The following DYRK1A variants were observed in gnomAD, a reference collection of about 807,000 sequenced individuals.
DYRK1A encodes the protein dual specificity tyrosine-phosphorylation-regulated kinase 1A.
A neutral mutation model predicts 79.7 loss-of-function variants in DYRK1A; 9 were observed. That is an observed-to-expected ratio of 0.11 (90% CI 0.07 to 0.20). The LOEUF is 0.20. DYRK1A is among the 10% of genes least tolerant of loss of function. The probability of loss-of-function intolerance (pLI) is 1.00; values close to 1 mark genes in which losing one functional copy is unlikely to be tolerated. For synonymous variants in DYRK1A, 349 were observed against 329.7 expected, an observed-to-expected ratio of 1.06 and a Z score of -0.63; for missense variants, 622 against 956.0, an observed-to-expected ratio of 0.65 and a Z score of 4.61.
chr21:37,379,950 G>A (rs917701987), intron 1 of DYRK1A, among the ~76,000 whole-genome samples: 1 of 152,200 alleles, frequency 6.6e-6, no homozygotes, highest in Non-Finnish European at 1.5e-5. Flanking sequence ...TATCACGGAT[G>A]TTACGTTCTG....
chr21:37,392,027 T>C (rs1433048720), intron 1 of DYRK1A, among the ~76,000 whole-genome samples: 1 of 152,254 alleles, frequency 6.6e-6, no homozygotes, highest in Non-Finnish European at 1.5e-5. Context: ...TAAGCCATTA[T>C]CCATCTTTCA....
chr21:37,508,220 A>G (rs1194104780), intron 11 of DYRK1A, among the ~76,000 whole-genome samples: 9 of 152,188 alleles, frequency 5.9e-5, no homozygotes, highest in Non-Finnish European at 1.0e-4. Flanking sequence ...TTCACCTGTC[A>G]GCACCATTCT....
intron 3 of DYRK1A, among the ~76,000 whole-genome samples, chr21:37,477,442 A>G (rs1194319725): frequency 1.3e-5 from 2 of 152,158 alleles, no homozygotes; most frequent in Non-Finnish European, 2.9e-5. Context: ...CATTGATGCT[A>G]GCCACAGCAC....
At chr21:37,366,293 T>A (rs1443347147), upstream of DYRK1A, 1 of 127,366 alleles carries the variant, frequency 7.9e-6, no homozygotes, top group East Asian at 2.4e-4. Context: ...AGCCCGCCCC[T>A]CCCCCCGGCG....
At chr21:37,507,869 T>A (rs548366853) in intron 11 of DYRK1A, among the ~76,000 whole-genome samples, 1 of 152,132 alleles carries the variant, frequency 6.6e-6, no homozygotes, top group Non-Finnish European at 1.5e-5. Context: ...GACTTCTGAC[T>A]TAGACTTCAC....
intron 3 of DYRK1A, among the ~76,000 whole-genome samples, chr21:37,476,086 C>T (rs759364480): frequency 2.6e-5 from 4 of 152,096 alleles, no homozygotes; most frequent in Non-Finnish European, 5.9e-5. Context: ...AGAGTGTCCT[C>T]GTTAAGAGCC....
Position 37,494,525 on chromosome 21 carries a change from C to G in DYRK1A, c.1071+1362C>G, listed in dbSNP as rs193074764. 3.5e-4 allele frequency among the ~76,000 whole-genome samples: 53 copies of G among 151,926 alleles called. 1 individual carries two copies. Among genetic ancestry groups the G allele is most frequent in the Non-Finnish European group, 1.5e-4 (10 of 67,954 alleles). On this transcript the variant is annotated intron_variant, in intron 8 of 11. Coordinates refer to ENST00000647188, the MANE Select transcript of DYRK1A (RefSeq NM_001347721.2). ...CTAAAATGCTCTTTTCTGAGATACT[C>G]CTTTGCTGATGTTAGTGTTTGCTCT...
At chr21:37,446,923 G>T (rs950749921) in intron 2 of DYRK1A, among the ~76,000 whole-genome samples, 1 of 152,188 alleles carries the variant, frequency 6.6e-6, no homozygotes, top group African/African-American at 2.4e-5. Flanking sequence ...TTGGGAGCAT[G>T]CAGTTCTTCA....
At chr21:37,507,441 GT>G (rs2053629868) in intron 11 of DYRK1A, among the ~76,000 whole-genome samples, 1 of 152,040 alleles carries the variant, frequency 6.6e-6, no homozygotes, top group African/African-American at 2.4e-5. Flanking sequence ...TCTGCTACCT[GT>G]GGTCTTTGTC....
intron 11 of DYRK1A, among the ~76,000 whole-genome samples, chr21:37,508,381 T>C (rs2053656446): frequency 1.3e-5 from 2 of 152,192 alleles, no homozygotes; most frequent in African/African-American, 4.8e-5. Flanking sequence ...TCCGCCTCCC[T>C]GGTTCAAGCG....
At chr21:37,406,043 A>G (rs376532211) in intron 1 of DYRK1A, among the ~76,000 whole-genome samples, 1 of 151,518 alleles carries the variant, frequency 6.6e-6, no homozygotes, top group Non-Finnish European at 1.5e-5. Context: ...TGATACATAT[A>G]TTTATTTCTT....
At chr21:37,366,023 T>C (rs1425036623), upstream of DYRK1A, 4 of 152,034 alleles carry the variant, frequency 2.6e-5, no homozygotes, top group Non-Finnish European at 5.9e-5. Flanking sequence ...ATTCCTGCGA[T>C]GTCTGGGGCG....
intron 1 of DYRK1A, among the ~76,000 whole-genome samples, chr21:37,408,582 A>C (rs181729771): frequency 6.6e-6 from 1 of 152,330 alleles, no homozygotes; most frequent in Non-Finnish European, 1.5e-5. Flanking sequence ...TTTTTTTAGC[A>C]CATAGAACAG....
chr21:37,434,978 C>A (rs2050882370), intron 2 of DYRK1A, among the ~76,000 whole-genome samples: 2 of 152,186 alleles, frequency 1.3e-5, no homozygotes, highest in African/African-American at 4.8e-5. Flanking sequence ...TAGAAAAACT[C>A]ACATGTCTAT....
At chr21:37,484,000 T>G (rs888169350) in intron 5 of DYRK1A, among the ~76,000 whole-genome samples, 3 of 152,180 alleles carry the variant, frequency 2.0e-5, no homozygotes, top group African/African-American at 7.2e-5. Flanking sequence ...TACCCTCTAC[T>G]GGTTCCCAAC....
intron 2 of DYRK1A, among the ~76,000 whole-genome samples, chr21:37,445,541 A>G (rs1190042247): frequency 6.6e-6 from 1 of 152,198 alleles, no homozygotes; most frequent in African/African-American, 2.4e-5. Context: ...GTTGGGGAAG[A>G]TGCAGTTTTT....
intron 8 of DYRK1A, among the ~76,000 whole-genome samples, chr21:37,493,489 C>T (rs2053163927): frequency 6.6e-6 from 1 of 152,192 alleles, no homozygotes; most frequent in South Asian, 2.1e-4. Flanking sequence ...AAGAGTGATA[C>T]AAACATCACT....
In DYRK1A at chr21:37,524,270, A is replaced by G. The variant is rs1368360585; in HGVS notation, c.*11739A>G. ...TAGTGAGACCCCCCATCTCCACAAA[A>G]AGTAAAAAAAAACCAAAATACATGT... is the stretch of plus-strand genomic sequence containing the variant. On this transcript the variant is annotated 3_prime_UTR_variant, in exon 12 of 12. Coordinates refer to ENST00000647188, the MANE Select transcript of DYRK1A (RefSeq NM_001347721.2). 3 of 141,458 alleles carry G rather than the reference A, an allele frequency of 2.1e-5. No individual in the cohort carries two copies. Among genetic ancestry groups the G allele is most frequent in the African/African-American group, 5.5e-5 (2 of 36,136 alleles). 8.8% of individuals were successfully genotyped at this position (141,458 alleles called of 1,614,324 possible).
At chr21:37,457,678 GTAT>G (rs2051697492) in intron 2 of DYRK1A, among the ~76,000 whole-genome samples, 1 of 152,176 alleles carries the variant, frequency 6.6e-6, no homozygotes, top group Non-Finnish European at 1.5e-5. Context: ...ATAATTTTAA[GTAT>G]TATGCTGCAA....
Sources: allele counts gnomAD v4.1 joint callset (sites outside exome capture counted in the v4.1 genomes callset), GRCh38; gene constraint gnomAD v4.1.1; transcripts MANE v1.5; gene names NCBI Gene and HGNC (gene_info 2026-07-23, HGNC 2026-07-21).